The following XKR4 variants were observed in gnomAD, a reference collection of about 807,000 sequenced individuals.
The protein encoded by XKR4 is XK-related protein 4.
In XKR4, 12 loss-of-function variants were observed where a neutral mutation model predicts 53.9. The observed-to-expected ratio is 0.22, with a 90% CI of 0.14 to 0.36. The LOEUF is 0.36. Among genes scored for constraint, XKR4 ranks in the 10% least tolerant of loss-of-function variants. The pLI is 1.00. For synonymous variants in XKR4, 354 were observed against 362.4 expected, an observed-to-expected ratio of 0.98 and a Z score of 0.26; for missense variants, 799 against 859.5, an observed-to-expected ratio of 0.93 and a Z score of 0.88.
intron 1 of XKR4, among the ~76,000 whole-genome samples, chr8:55,289,642 A>AAGGAAGG (rs1563316449): frequency 1.7e-4 from 18 of 106,298 alleles, no homozygotes; most frequent in African/African-American, 6.6e-4. Context: ...AGAAAGAAAG[A>AAGGAAGG]AAGAAAGGAA....
intron 2 of XKR4, chr8:55,453,097 A>G (rs1805481410): frequency 1.8e-6 from 1 of 555,126 alleles, no homozygotes; most frequent in African/African-American, 1.9e-5. Context: ...CAGGTAAAGG[A>G]CCCAGATATG....
chr8:55,484,341 C>G (rs1806161169), intron 2 of XKR4, among the ~76,000 whole-genome samples: 1 of 152,052 alleles, frequency 6.6e-6, no homozygotes, highest in Admixed American at 6.6e-5. Flanking sequence ...CTCATATTAC[C>G]CTGACTCTAC....
At chr8:55,386,041 G>C (rs962020804) in intron 2 of XKR4, among the ~76,000 whole-genome samples, 1 of 152,198 alleles carries the variant, frequency 6.6e-6, no homozygotes, top group Non-Finnish European at 1.5e-5. Flanking sequence ...GCAGAAGACA[G>C]AGTCTGAAGC....
intron 2 of XKR4, among the ~76,000 whole-genome samples, chr8:55,501,701 T>C (rs1019125536): frequency 6.6e-6 from 1 of 151,962 alleles, no homozygotes; most frequent in African/African-American, 2.4e-5. Context: ...TATATATATA[T>C]GTAACATTTT....
intron 1 of XKR4, among the ~76,000 whole-genome samples, chr8:55,339,004 G>A (rs999183205): frequency 1.9e-4 from 29 of 152,138 alleles, no homozygotes; most frequent in African/African-American, 6.8e-4. Flanking sequence ...CTAGAAACCA[G>A]AACTATAAAG....
intron 1 of XKR4, among the ~76,000 whole-genome samples, chr8:55,134,599 G>A (rs1298548018): frequency 1.3e-5 from 2 of 152,180 alleles, no homozygotes; most frequent in African/African-American, 4.8e-5. Context: ...GAGAGACATG[G>A]GGTGGTCAGA....
chr8:55,370,167 C>T (rs1457309710), intron 2 of XKR4, among the ~76,000 whole-genome samples: 1 of 152,186 alleles, frequency 6.6e-6, no homozygotes, highest in Non-Finnish European at 1.5e-5. Flanking sequence ...CAAAGGCAAG[C>T]AGGCTTTCAA....
chr8:55,149,337 A>G (rs1284708488), intron 1 of XKR4, among the ~76,000 whole-genome samples: 1 of 152,158 alleles, frequency 6.6e-6, no homozygotes, highest in Non-Finnish European at 1.5e-5. Context: ...ACATGAAAAA[A>G]TATAATACTA....
At chr8:55,453,011 G>A (rs1805479064) in intron 2 of XKR4, 2 of 665,842 alleles carry the variant, frequency 3.0e-6, no homozygotes, top group Non-Finnish European at 5.7e-6. Context: ...CCACTTCTAG[G>A]GCAGAGTGCT....
In XKR4 at chr8:55,325,251, G is replaced by A. The variant is rs546319074; in HGVS notation, c.807-32427G>A. ...GTGCTATAATCAGAAAACAAAAATGGAGAAGAAACTGTTTTAATTAACCCT... is the reference window on the plus strand; with the variant it reads ...GTGCTATAATCAGAAAACAAAAATGAAGAAGAAACTGTTTTAATTAACCCT... On this transcript the variant is annotated intron_variant, in intron 1 of 2. Coordinates refer to ENST00000327381, the MANE Select transcript of XKR4 (RefSeq NM_052898.2). Among the ~76,000 whole-genome samples, 30 of 152,258 alleles carry A rather than the reference G, an allele frequency of 2.0e-4. No homozygotes were observed. In the South Asian group the frequency reaches 6.2e-3, roughly 32 times the overall value.
chr8:55,534,432 G>A lies in XKR4; in HGVS notation c.*10205G>A, dbSNP rs2129407010. On this transcript the variant is annotated 3_prime_UTR_variant, in exon 3 of 3. Coordinates refer to ENST00000327381, the MANE Select transcript of XKR4 (RefSeq NM_052898.2). Reference sequence around the variant, plus strand: ...TCTGTCGCAGGGGCTGGAGTGCAGTGGCACAATCTCGGCTCACTGCAAGCT... The same window carrying A: ...TCTGTCGCAGGGGCTGGAGTGCAGTAGCACAATCTCGGCTCACTGCAAGCT... 1 of 133,490 alleles carries A rather than the reference G, an allele frequency of 7.5e-6. No individual in the cohort carries two copies. Among genetic ancestry groups the A allele is most frequent in the Admixed American group, 8.8e-5 (1 of 11,316 alleles). 8.3% of individuals were successfully genotyped at this position (133,490 alleles called of 1,614,324 possible).
chr8:55,333,587 G>C (rs1310893948), intron 1 of XKR4, among the ~76,000 whole-genome samples: 1 of 151,990 alleles, frequency 6.6e-6, no homozygotes, highest in African/African-American at 2.4e-5. Flanking sequence ...GTAATCTCTG[G>C]CCTCAGGTAT....
At position 55,398,301 on chromosome 8, in the gene XKR4, G is replaced by A. The variant is rs114057665; in HGVS notation, c.1006+40424G>A. Among the ~76,000 whole-genome samples the A allele has an allele frequency of 3.9e-3, 601 of 152,226 alleles. 6 individuals carry two copies. The highest frequency in any genetic ancestry group is 0.014 in the African/African-American group (579 of 41,542). ...CTGCCATGGGCCACCAAGCACCCTC[G>A]CCATGCACCTTTGCCCCATCCCTAC... On this transcript the variant is annotated intron_variant, in intron 2 of 2. Coordinates refer to ENST00000327381, the MANE Select transcript of XKR4 (RefSeq NM_052898.2).
rs1015460117 is a variant in XKR4 at position 55,530,627 on chromosome 8, A to T, written c.*6400A>T. 2.6e-5 allele frequency: 4 copies of T among 152,210 alleles called. No individual in the cohort carries two copies. Among genetic ancestry groups the T allele is most frequent in the Non-Finnish European group, 4.4e-5 (3 of 68,030 alleles). The allele number at this position is 152,210 out of a possible 1,614,324, so 9.4% of individuals were successfully genotyped here. A position where few individuals can be genotyped will look rare whatever the true frequency, so the allele number is the denominator to read the frequency against. ...TTTCTCAACCCTGGTGTTTATTTTT[A>T]AAAAATCTTCAATGATCAATATGAA... On this transcript the variant is annotated 3_prime_UTR_variant, in exon 3 of 3. Coordinates refer to ENST00000327381, the MANE Select transcript of XKR4 (RefSeq NM_052898.2).
Position 55,531,890 on chromosome 8 carries a change from G to A in XKR4, c.*7663G>A, listed in dbSNP as rs1414219538. ...AGCCTTTCCTCCAATGCCCAGAAGAGCAGCACTGTGCTGCGTGACAATTTC... is the reference window on the plus strand; with the variant it reads ...AGCCTTTCCTCCAATGCCCAGAAGAACAGCACTGTGCTGCGTGACAATTTC... On this transcript the variant is annotated 3_prime_UTR_variant, in exon 3 of 3. Transcript: ENST00000327381. 1 of 152,358 alleles carries A rather than the reference G, an allele frequency of 6.6e-6. No homozygotes were observed. The highest frequency in any genetic ancestry group is 1.5e-5 in the Non-Finnish European group (1 of 68,036). The allele number at this position is 152,358 out of a possible 1,614,324, so 9.4% of individuals were successfully genotyped here. A position where few individuals can be genotyped will look rare whatever the true frequency, so the allele number is the denominator to read the frequency against.
chr8:55,108,208 A>G (rs1015561550), intron 1 of XKR4, among the ~76,000 whole-genome samples: 9 of 152,160 alleles, frequency 5.9e-5, no homozygotes, highest in African/African-American at 2.2e-4. Context: ...GAGGCAAGAA[A>G]GAACAAGGCA....
At chr8:55,174,631 A>C (rs946003697) in intron 1 of XKR4, among the ~76,000 whole-genome samples, 11 of 152,014 alleles carry the variant, frequency 7.2e-5, no homozygotes, top group Non-Finnish European at 1.2e-4. Context: ...TCTTTGTTGT[A>C]ATGTGTTGGA....
intron 1 of XKR4, among the ~76,000 whole-genome samples, chr8:55,265,430 A>G (rs776291154): frequency 6.6e-6 from 1 of 152,244 alleles, no homozygotes; most frequent in Non-Finnish European, 1.5e-5. Context: ...AAACGAACCC[A>G]TTCCAAACTT....
At chr8:55,516,110 T>C (rs1020301564) in intron 2 of XKR4, among the ~76,000 whole-genome samples, 10 of 152,364 alleles carry the variant, frequency 6.6e-5, no homozygotes, top group African/African-American at 2.4e-4. Flanking sequence ...ATGACACTTA[T>C]ATTGCACAAA....
Sources: gnomAD v4.1 joint callset for allele counts (sites outside exome capture counted in the v4.1 genomes callset) on GRCh38, gnomAD v4.1.1 for gene constraint, MANE v1.5 for transcripts, NCBI Gene and HGNC (gene_info 2026-07-23, HGNC 2026-07-21) for gene names.